Variants in FHL1 observed in about 807,000 individuals in gnomAD.
The protein encoded by FHL1 is four and a half LIM domains 1.
A neutral mutation model predicts 20.3 loss-of-function variants in FHL1; 1 was observed. The ratio of observed to expected loss-of-function variants is 0.05; its 90% CI spans 0.02 to 0.23. The LOEUF is 0.23. Among genes scored for constraint, FHL1 ranks in the 10% least tolerant of loss-of-function variants. The pLI, the probability that FHL1 is intolerant of heterozygous loss-of-function variation, is 1.00. For missense variants in FHL1, 177 were observed against 234.0 expected (o/e 0.76, Z 1.59); for synonymous variants, 82 against 88.9 (o/e 0.92, Z 0.44).
At chrX:136,206,285 G>C in intron 1 of FHL1, 122 bp from the exon 2 acceptor site, 2 of 854,776 alleles carry the variant, frequency 2.3e-6, no homozygotes, top group Non-Finnish European at 3.5e-6. Flanking sequence ...AGGGGAAGCT[G>C]GGTCTTGGTC....
chrX:136,186,768 C>T (rs1008950500), intron 2 of FHL1, among the ~76,000 whole-genome samples: 1 of 107,777 alleles, frequency 9.3e-6, no homozygotes, highest in Non-Finnish European at 1.9e-5. Flanking sequence ...GCAGGAGAAT[C>T]GCTTGAGCCC....
chrX:136,177,402 T>C, intron 2 of FHL1, among the ~76,000 whole-genome samples: 1 of 112,000 alleles, frequency 8.9e-6, no homozygotes, highest in Non-Finnish European at 1.9e-5. Flanking sequence ...AGGACATAGA[T>C]ATCTGATCTC....
upstream of FHL1, chrX:136,167,910 G>GT (rs2072756020): frequency 8.9e-6 from 1 of 112,350 alleles, no homozygotes; most frequent in Admixed American, 9.4e-5. Flanking sequence ...ACAGATTCAG[G>GT]TTTGACGCTT....
chrX:136,160,059 T>C (rs2072524872), intron 1 of FHL1, among the ~76,000 whole-genome samples: 1 of 112,269 alleles, frequency 8.9e-6, no homozygotes, highest in Non-Finnish European at 1.9e-5. Context: ...TCGGTTTTTA[T>C]AGGCATTAAT....
intron 2 of FHL1, among the ~76,000 whole-genome samples, chrX:136,188,057 A>G (rs2073351952): frequency 8.9e-6 from 1 of 111,744 alleles, no homozygotes; most frequent in African/African-American, 3.3e-5. Flanking sequence ...GAACATATAA[A>G]ACAAAAGTTT....
chrX:136,206,631 G>A (rs751884450), intron 2 of FHL1, 43 bp downstream of exon 2: 1 of 1,199,481 alleles, frequency 8.3e-7, no homozygotes, highest in Non-Finnish European at 1.1e-6. Context: ...GCTGGGTTTT[G>A]GAGTGTCCTT....
At chrX:136,163,569 G>T (rs573125280) in intron 1 of FHL1, among the ~76,000 whole-genome samples, 10 of 111,905 alleles carry the variant, frequency 8.9e-5, no homozygotes, top group South Asian at 3.7e-4. Flanking sequence ...TTATAAGGAA[G>T]AAAATGTATG....
intron 1 of FHL1, among the ~76,000 whole-genome samples, chrX:136,201,810 A>G (rs2073717868): frequency 9.1e-6 from 1 of 110,051 alleles, no homozygotes; most frequent in African/African-American, 3.3e-5. Flanking sequence ...CCCGAGGGCA[A>G]ACATGCCCTC....
chrX:136,176,563 C>CT (rs971274757), intron 2 of FHL1, among the ~76,000 whole-genome samples: 1 of 111,382 alleles, frequency 9.0e-6, no homozygotes, highest in African/African-American at 3.3e-5. Context: ...TGGGGGATGG[C>CT]TTTTGCCTCT....
In FHL1 at chrX:136,198,896, C is replaced by T. The variant is rs776524598; in HGVS notation, c.22+1762C>T. Among the ~76,000 whole-genome samples the T allele has an allele frequency of 2.7e-5, 3 of 111,327 alleles. No individual in the cohort carries two copies. The South Asian group carries it at 1.1e-3, about 42-fold the overall frequency. ...CTTCACCAGCTGCTGCTCAGTGGGC[C>T]GCACAAGCCCGCCAGTCTTTTCTCA... On this transcript the variant is annotated intron_variant, in intron 1 of 5. Transcript: ENST00000370683.
Position 136,208,612 on chromosome X carries a change from A to C in FHL1, c.707A>C (p.Lys236Thr), listed in dbSNP as rs1218410431. The C allele has an allele frequency of 8.3e-7, 1 of 1,211,393 alleles. No homozygotes were observed. Among genetic ancestry groups the C allele is most frequent in the East Asian group, 3.0e-5 (1 of 33,835 alleles). Residue 236 changes from lysine to threonine, a missense_variant, in exon 5 of 6, where the codon AAG (lysine) becomes ACG (threonine). By Grantham distance (78) the Lys-to-Thr change is moderately conservative (BLOSUM62 -1). Transcript: ENST00000370683. ...TGCTACAAGAACTTTGTGGCCAAGAAGTGTGCTGGATGCAAGAACCCCATC... is the reference window on the plus strand; with the variant it reads ...TGCTACAAGAACTTTGTGGCCAAGACGTGTGCTGGATGCAAGAACCCCATC... ...VDCYKNFVAK[K>T]CAGCKNPITG...
chrX:136,152,911 C>T (rs1603240632), intron 1 of FHL1, among the ~76,000 whole-genome samples: 1 of 110,391 alleles, frequency 9.1e-6, no homozygotes, highest in Middle Eastern at 4.6e-3. Flanking sequence ...ACTTCATTTT[C>T]TATCTCACCT....
chrX:136,162,665 TGGGGCCC>T (rs1403914386), intron 1 of FHL1, among the ~76,000 whole-genome samples: 1 of 111,453 alleles, frequency 9.0e-6, no homozygotes, highest in Non-Finnish European at 1.9e-5. Flanking sequence ...ACGCTGGGGA[TGGGGCCC>T]CGCCATCTGT....
intron 5 of FHL1, chrX:136,209,341 G>A (rs1004479734): frequency 1.7e-6 from 2 of 1,211,038 alleles, no homozygotes; most frequent in Non-Finnish European, 1.1e-6. Flanking sequence ...GTTTCCCAGC[G>A]CCAACCTCCG....
At position 136,186,948 on chromosome X, in the gene FHL1, T is replaced by C. The variant is rs183344072; in HGVS notation, c.-27+16968T>C. On this transcript the variant is annotated intron_variant, in intron 2 of 6. Transcript: ENST00000394153. ...TCTTACAGCATTGTGATAACAAATA[T>C]TTGTCAATAAGAGACTAACTGTGGT... Among the ~76,000 whole-genome samples, 356 of 110,040 alleles carry C rather than the reference T, an allele frequency of 3.2e-3. 4 individuals are homozygous for C. The highest frequency in any genetic ancestry group is 5.7e-3 in the Non-Finnish European group (303 of 52,725).
intron 2 of FHL1, among the ~76,000 whole-genome samples, chrX:136,181,232 G>A (rs925134857): frequency 8.0e-5 from 9 of 112,211 alleles, no homozygotes; most frequent in Middle Eastern, 9.2e-3. Flanking sequence ...CTGAAGTTAC[G>A]TTTTGGTTTC....
At chrX:136,206,726 C>G in intron 2 of FHL1, 138 bp downstream of exon 2, 1 of 854,757 alleles carries the variant, frequency 1.2e-6, no homozygotes, top group East Asian at 3.2e-5. Context: ...GAAGCCTCCT[C>G]CACTCCCCAG....
chrX:136,186,863 AAAAT>A (rs1241613448), intron 2 of FHL1, among the ~76,000 whole-genome samples: 32 of 9,297 alleles, frequency 3.4e-3, no homozygotes, highest in African/African-American at 4.5e-3. Context: ...CAAAAAAAAA[AAAAT>A]ATATATATAT....
intron 2 of FHL1, among the ~76,000 whole-genome samples, chrX:136,181,808 C>A (rs1330545932): frequency 8.9e-6 from 1 of 112,269 alleles, no homozygotes; most frequent in Non-Finnish European, 1.9e-5. Context: ...CATCAACAGG[C>A]TGCCATTAAT....
Sources: gnomAD v4.1 joint callset for allele counts (sites outside exome capture counted in the v4.1 genomes callset) on GRCh38, gnomAD v4.1.1 for gene constraint, MANE v1.5 for transcripts, NCBI Gene and HGNC (gene_info 2026-07-23, HGNC 2026-07-21) for gene names.